CHSY3: variants seen among roughly 807,000 people sequenced by gnomAD.
The protein encoded by CHSY3 is chondroitin sulfate synthase 3.
A neutral mutation model predicts 67.2 loss-of-function variants in CHSY3; 35 were observed. The ratio of observed to expected loss-of-function variants is 0.52; its 90% CI spans 0.40 to 0.69. The LOEUF is 0.69. Ranked by LOEUF, CHSY3 falls within the 30% of genes least tolerant of loss-of-function variation. The pLI is 0.00. For synonymous variants in CHSY3, 474 were observed against 434.7 expected (o/e 1.09, Z -1.12); for missense variants, 1,069 against 1,138.5 (o/e 0.94, Z 0.88).
intron 2 of CHSY3, among the ~76,000 whole-genome samples, chr5:129,931,496 A>C (rs1206129236): frequency 6.6e-6 from 1 of 152,212 alleles, no homozygotes; most frequent in African/African-American, 2.4e-5. Flanking sequence ...ATAGATGTGT[A>C]TAAAGACATT....
chr5:129,953,722 A>T (rs1281485132), intron 2 of CHSY3, among the ~76,000 whole-genome samples: 1 of 152,040 alleles, frequency 6.6e-6, no homozygotes, highest in South Asian at 2.1e-4. Context: ...GCATTTCTCT[A>T]ATGACCAGTG....
At chr5:129,918,778 A>G (rs1222755410) in intron 2 of CHSY3, among the ~76,000 whole-genome samples, 3 of 150,908 alleles carry the variant, frequency 2.0e-5, no homozygotes, top group Admixed American at 6.6e-5. Flanking sequence ...AAAGGTTTAG[A>G]TCATACATTG....
At chr5:129,981,470 C>T (rs1383149221) in intron 2 of CHSY3, among the ~76,000 whole-genome samples, 12 of 151,800 alleles carry the variant, frequency 7.9e-5, no homozygotes. Flanking sequence ...CAAATAAGGA[C>T]AGTTTTATTT....
chr5:130,029,943 A>T (rs11950700), intron 2 of CHSY3, among the ~76,000 whole-genome samples: 2 of 152,168 alleles, frequency 1.3e-5, no homozygotes, highest in Non-Finnish European at 2.9e-5. Flanking sequence ...AAAATGTAAG[A>T]AGTAGTGGAT....
At chr5:129,957,332 C>A (rs1415465194) in intron 2 of CHSY3, among the ~76,000 whole-genome samples, 1 of 150,696 alleles carries the variant, frequency 6.6e-6, no homozygotes, top group Non-Finnish European at 1.5e-5. Context: ...TGAGACTTTG[C>A]TGAAATTGTT....
chr5:130,002,771 C>T (rs374952313), intron 2 of CHSY3, among the ~76,000 whole-genome samples: 5 of 151,584 alleles, frequency 3.3e-5, no homozygotes, highest in South Asian at 2.1e-4. Context: ...CTTAAATATA[C>T]ACAATAAATA....
chr5:130,117,557 CT>C (rs1319016175), intron 2 of CHSY3, among the ~76,000 whole-genome samples: 1 of 151,972 alleles, frequency 6.6e-6, no homozygotes, highest in African/African-American at 2.4e-5. Context: ...TTTTGTTTCC[CT>C]GGTTTTTTTG....
At chr5:130,023,684 C>A (rs1764456040) in intron 2 of CHSY3, among the ~76,000 whole-genome samples, 1 of 151,918 alleles carries the variant, frequency 6.6e-6, no homozygotes, top group Non-Finnish European at 1.5e-5. Context: ...CTAAAACCAT[C>A]ATCACAGGGT....
intron 2 of CHSY3, among the ~76,000 whole-genome samples, chr5:130,025,369 A>G (rs1217265755): frequency 6.6e-6 from 1 of 152,184 alleles, no homozygotes; most frequent in African/African-American, 2.4e-5. Context: ...CAGCTAAGAA[A>G]GAAGGCCTGT....
intron 2 of CHSY3, among the ~76,000 whole-genome samples, chr5:130,168,395 T>C (rs1769808157): frequency 6.6e-6 from 1 of 152,072 alleles, no homozygotes; most frequent in African/African-American, 2.4e-5. Context: ...CTTGGATGAC[T>C]GCATCAATTA....
intron 2 of CHSY3, 107 bp from the exon 3 acceptor site, chr5:130,184,122 C>T (rs1038574017): frequency 9.8e-5 from 105 of 1,068,290 alleles, no homozygotes; most frequent in African/African-American, 1.5e-4. Context: ...AAATACCATA[C>T]CAAAAATGTA....
At chr5:130,053,611 C>T (rs745643295) in intron 2 of CHSY3, among the ~76,000 whole-genome samples, 5 of 152,202 alleles carry the variant, frequency 3.3e-5, no homozygotes, top group Non-Finnish European at 4.4e-5. Context: ...ATCTTTATTA[C>T]GTCACATGTG....
intron 2 of CHSY3, among the ~76,000 whole-genome samples, chr5:130,030,118 T>G (rs745467440): frequency 9.2e-5 from 14 of 152,138 alleles, no homozygotes; most frequent in Non-Finnish European, 1.9e-4. Flanking sequence ...TCTAGGTTGA[T>G]GGTATGCTGT....
At chr5:129,958,611 G>T (rs931884064) in intron 2 of CHSY3, among the ~76,000 whole-genome samples, 2 of 152,212 alleles carry the variant, frequency 1.3e-5, no homozygotes, top group African/African-American at 4.8e-5. Context: ...GATCACTGAA[G>T]TCTCAAACTC....
chr5:130,121,703 A>G (rs572217999), intron 2 of CHSY3, among the ~76,000 whole-genome samples: 1 of 152,338 alleles, frequency 6.6e-6, no homozygotes, highest in South Asian at 2.1e-4. Flanking sequence ...TTTCCCTTAA[A>G]AAACAAAAAC....
intron 2 of CHSY3, among the ~76,000 whole-genome samples, chr5:130,015,347 A>G (rs559445707): frequency 1.4e-4 from 21 of 152,326 alleles, no homozygotes; most frequent in African/African-American, 5.1e-4. Flanking sequence ...ATATCTTCAC[A>G]GCAGTGTGAG....
intron 2 of CHSY3, among the ~76,000 whole-genome samples, chr5:130,012,665 T>C (rs55869642): frequency 5.4e-4 from 82 of 152,214 alleles, no homozygotes; most frequent in African/African-American, 2.0e-3. Flanking sequence ...GAGAACACCA[T>C]GGGGGAACTG....
rs749812893 is a variant in CHSY3 at position 129,905,049 on chromosome 5, C to G, written c.220C>G (p.Gln74Glu). ...PQPQSRPRQE[Q>E]SPPPARQDLQ... ...GCCCCAGTCCCGACCACGGCAGGAG[C>G]AGTCGCCGCCCCCCGCGCGCCAGGA... Residue 74 changes from glutamine (Q) to glutamate (E), a missense_variant, in exon 1 of 3, where the codon CAG becomes GAG. Physicochemically the swap from Gln to Glu is conservative, Grantham distance 29. This residue lies in a region of CHSY3 where 309 missense variants were observed against 262.5 expected (regional missense o/e 1.18). Transcript: ENST00000305031. 31 of 1,549,460 alleles carry G rather than the reference C, an allele frequency of 2.0e-5. No homozygotes were observed. The highest frequency in any genetic ancestry group is 1.7e-4 in the Middle Eastern group (1 of 5,852).
At chr5:130,152,727 A>C (rs949925197) in intron 2 of CHSY3, among the ~76,000 whole-genome samples, 2 of 152,242 alleles carry the variant, frequency 1.3e-5, no homozygotes, top group Admixed American at 1.3e-4. Context: ...TTTGCAAAGA[A>C]ATATGAAGGA....
Sources: allele counts gnomAD v4.1 joint callset (sites outside exome capture counted in the v4.1 genomes callset), GRCh38; gene constraint gnomAD v4.1.1; regional missense constraint gnomAD v4.1.1; transcripts MANE v1.5; gene names NCBI Gene and HGNC (gene_info 2026-07-23, HGNC 2026-07-21).